Variants in KCNH8 observed in about 807,000 individuals in gnomAD.
KCNH8 encodes the protein potassium voltage-gated channel subfamily H member 8, also known as voltage-gated delayed rectifier potassium channel KCNH8.
In KCNH8, 70 loss-of-function variants were observed where a neutral mutation model predicts 103.6. That is an observed-to-expected ratio of 0.68 (90% CI 0.56 to 0.82). KCNH8 has a LOEUF of 0.82. Ranked by LOEUF, KCNH8 falls within the 40% of genes least tolerant of loss-of-function variation. The pLI, the probability that KCNH8 is intolerant of heterozygous loss-of-function variation, is 0.00. For synonymous variants in KCNH8, 498 were observed against 489.4 expected, an observed-to-expected ratio of 1.02 and a Z score of -0.23; for missense variants, 1,217 against 1,329.9, an observed-to-expected ratio of 0.92 and a Z score of 1.32.
chr3:19,366,111 C>T (rs570106913), intron 5 of KCNH8, among the ~76,000 whole-genome samples: 28 of 152,158 alleles, frequency 1.8e-4, no homozygotes, highest in African/African-American at 6.7e-4. Flanking sequence ...TTTGTCCATG[C>T]TAATATTTCC....
intron 13 of KCNH8, among the ~76,000 whole-genome samples, chr3:19,514,643 G>T (rs2068843068): frequency 1.3e-5 from 2 of 150,096 alleles, no homozygotes. Flanking sequence ...ATAATGAGTG[G>T]GTTAGATACT....
intron 7 of KCNH8, among the ~76,000 whole-genome samples, chr3:19,403,518 TTAA>T: frequency 6.6e-6 from 1 of 150,870 alleles, no homozygotes; most frequent in African/African-American, 2.4e-5. Flanking sequence ...AATTACTAGA[TTAA>T]TAAGTCTATG....
At chr3:19,498,011 T>A (rs1171177598) in intron 11 of KCNH8, among the ~76,000 whole-genome samples, 1 of 152,216 alleles carries the variant, frequency 6.6e-6, no homozygotes, top group Non-Finnish European at 1.5e-5. Context: ...CTATCTTTTT[T>A]GGTCTTTGTT....
At chr3:19,461,970 C>T (rs932874895) in intron 11 of KCNH8, among the ~76,000 whole-genome samples, 9 of 152,188 alleles carry the variant, frequency 5.9e-5, no homozygotes, top group Non-Finnish European at 8.8e-5. Flanking sequence ...AGGACATTAA[C>T]TCATCCTTTT....
chr3:19,474,424 CA>C (rs983887363), intron 11 of KCNH8, among the ~76,000 whole-genome samples: 3 of 152,052 alleles, frequency 2.0e-5, no homozygotes, highest in South Asian at 4.1e-4. Flanking sequence ...GCCAGGATGC[CA>C]AAAGAGCGGC....
At chr3:19,430,250 C>G (rs528215499) in intron 7 of KCNH8, among the ~76,000 whole-genome samples, 6 of 152,156 alleles carry the variant, frequency 3.9e-5, no homozygotes, top group African/African-American at 1.4e-4. Context: ...TTGTTTTTGT[C>G]TTGTTTGTCA....
intron 7 of KCNH8, among the ~76,000 whole-genome samples, chr3:19,436,878 G>C (rs1393425812): frequency 6.6e-6 from 1 of 152,064 alleles, no homozygotes; most frequent in African/African-American, 2.4e-5. Flanking sequence ...ATAAATTCTT[G>C]GTTCGGACCC....
intron 11 of KCNH8, among the ~76,000 whole-genome samples, chr3:19,472,381 AC>A (rs1249351728): frequency 6.6e-6 from 1 of 152,000 alleles, no homozygotes; most frequent in Non-Finnish European, 1.5e-5. Context: ...CATAATTCCC[AC>A]TGTTGTGGGA....
chr3:19,352,234 A>G (rs1411917200), intron 5 of KCNH8, among the ~76,000 whole-genome samples: 4 of 152,222 alleles, frequency 2.6e-5, no homozygotes, highest in Non-Finnish European at 5.9e-5. Flanking sequence ...TTCACAAAGC[A>G]AGTCCTTAGA....
At chr3:19,160,532 C>T (rs1389043875) in intron 1 of KCNH8, among the ~76,000 whole-genome samples, 1 of 152,008 alleles carries the variant, frequency 6.6e-6, no homozygotes, top group Non-Finnish European at 1.5e-5. Flanking sequence ...TATTTTTATG[C>T]CTAAAATTTC....
At chr3:19,154,058 A>C (rs2063157071) in intron 1 of KCNH8, among the ~76,000 whole-genome samples, 1 of 152,200 alleles carries the variant, frequency 6.6e-6, no homozygotes. Context: ...AAATTACTAT[A>C]ATATAGATTA....
chr3:19,172,919 T>C (rs9756893), intron 1 of KCNH8, among the ~76,000 whole-genome samples: 8,822 of 152,154 alleles, frequency 0.058, 835 homozygotes, highest in African/African-American at 0.2. Flanking sequence ...TGCTTACCTA[T>C]ATGCCTTCTT....
At chr3:19,220,063 G>A (rs1483810198) in intron 1 of KCNH8, among the ~76,000 whole-genome samples, 2 of 152,138 alleles carry the variant, frequency 1.3e-5, no homozygotes, top group African/African-American at 4.8e-5. Context: ...TGTGTCAGGA[G>A]AGATTCCCAG....
intron 1 of KCNH8, among the ~76,000 whole-genome samples, chr3:19,219,884 A>C (rs1431482493): frequency 1.1e-4 from 17 of 152,124 alleles, no homozygotes; most frequent in Non-Finnish European, 2.5e-4. Context: ...ACTTGCTGTG[A>C]TTTTTCCTAC....
chr3:19,289,038 G>A (rs1219665300), intron 3 of KCNH8, among the ~76,000 whole-genome samples: 1 of 152,208 alleles, frequency 6.6e-6, no homozygotes, highest in African/African-American at 2.4e-5. Flanking sequence ...CTTTTGAGAA[G>A]TGTGGGTTCA....
chr3:19,478,914 C>G (rs2068029694), intron 11 of KCNH8, among the ~76,000 whole-genome samples: 3 of 152,084 alleles, frequency 2.0e-5, no homozygotes, highest in Admixed American at 2.0e-4. Context: ...CCTGAATCAC[C>G]TAGGGATTAT....
intron 3 of KCNH8, among the ~76,000 whole-genome samples, chr3:19,292,992 G>T (rs2064949706): frequency 6.6e-6 from 1 of 152,122 alleles, no homozygotes; most frequent in African/African-American, 2.4e-5. Flanking sequence ...TTTTCCCTAA[G>T]CTTTTATATC....
At chr3:19,158,946 T>C (rs1187616633) in intron 1 of KCNH8, among the ~76,000 whole-genome samples, 1 of 151,934 alleles carries the variant, frequency 6.6e-6, no homozygotes, top group Non-Finnish European at 1.5e-5. Flanking sequence ...TGTTAAAACA[T>C]GGCGACCATA....
chr3:19,198,633 A>G (rs2063625982), intron 1 of KCNH8, among the ~76,000 whole-genome samples: 1 of 152,058 alleles, frequency 6.6e-6, no homozygotes, highest in Non-Finnish European at 1.5e-5. Context: ...TTTTGCACGG[A>G]CAGAATTAAT....
Sources: gnomAD v4.1 joint callset for allele counts (sites outside exome capture counted in the v4.1 genomes callset) on GRCh38, gnomAD v4.1.1 for gene constraint, MANE v1.5 for transcripts, NCBI Gene and HGNC (gene_info 2026-07-23, HGNC 2026-07-21) for gene names.